Variants in CCDC112 observed in about 807,000 individuals in gnomAD.
CCDC112 encodes coiled-coil domain-containing protein 112.
A neutral mutation model predicts 66.3 loss-of-function variants in CCDC112; 40 were observed. The ratio of observed to expected loss-of-function variants is 0.60; its 90% CI spans 0.47 to 0.79. The LOEUF (loss-of-function observed/expected upper bound fraction) is 0.79, where lower values mean the gene tolerates loss of function less well. Ranked by LOEUF, CCDC112 falls within the 30% of genes least tolerant of loss-of-function variation. CCDC112 has a pLI of 0.00. For synonymous variants in CCDC112, 214 were observed against 197.2 expected (o/e 1.09, Z -0.71); for missense variants, 659 against 603.8 (o/e 1.09, Z -0.96).
At chr5:115,269,670 A>C (rs752849764) in intron 8 of CCDC112, 33 bp downstream of exon 8, 1 of 1,406,728 alleles carries the variant, frequency 7.1e-7, no homozygotes, top group Non-Finnish European at 9.9e-7. Context: ...GAATTAGGAT[A>C]ATAACAATGA....
Position 115,267,924 on chromosome 5 carries a change from G to T in CCDC112, c.1548-6C>A. On this transcript the variant is annotated splice_polypyrimidine_tract_variant and splice_region_variant and intron_variant, in intron 9 of 9. Transcript: ENST00000379611. ...GTCTCCAGGTTGGAATAGCCCTAAG[G>T]AGAAAAAGAGAAAAGCAATTGTAAA... 1 of 1,604,518 alleles carries T rather than the reference G, an allele frequency of 6.2e-7. No individual in the cohort carries two copies. Among genetic ancestry groups the T allele is most frequent in the South Asian group, 1.1e-5 (1 of 90,588 alleles).
intron 6 of CCDC112, among the ~76,000 whole-genome samples, chr5:115,274,567 C>T (rs1243852942): frequency 1.3e-5 from 2 of 152,026 alleles, no homozygotes; most frequent in East Asian, 3.9e-4. Flanking sequence ...CGTAAGATGA[C>T]TTTTTTCAAA....
chr5:115,283,218 G>T (rs1413583853), intron 2 of CCDC112, among the ~76,000 whole-genome samples: 2 of 151,940 alleles, frequency 1.3e-5, no homozygotes, highest in African/African-American at 4.8e-5. Context: ...TGTACATTAG[G>T]TCTCTAGATC....
Position 115,275,250 on chromosome 5 carries a change from T to C in CCDC112, c.884A>G (p.Gln295Arg), listed in dbSNP as rs1407543263. Reference sequence around the variant, plus strand: ...TCTTTCTTCTAGAGCCAGAAACTTTTGATACCATTTTTCATGCTGTTGAAC... The same window carrying C: ...TCTTTCTTCTAGAGCCAGAAACTTTCGATACCATTTTTCATGCTGTTGAAC... Reference protein sequence around the residue: ...DEVQQHEKWYQKFLALEERKK... With the variant: ...DEVQQHEKWYRKFLALEERKK... Residue 295 changes from glutamine to arginine, a missense_variant, in exon 6 of 10, where the codon CAA (glutamine) becomes CGA (arginine). Gln to Arg is a conservative substitution (Grantham distance 43). Transcript: ENST00000379611. The C allele has an allele frequency of 6.2e-7, 1 of 1,610,990 alleles. No homozygotes were observed. The highest frequency in any genetic ancestry group is 1.7e-5 in the Admixed American group (1 of 59,068).
Position 115,296,452 on chromosome 5 carries a change from A to C in CCDC112, c.92T>G (p.Val31Gly). 1 of 1,562,208 alleles carries C rather than the reference A, an allele frequency of 6.4e-7. No individual in the cohort carries two copies. Among genetic ancestry groups the C allele is most frequent in the South Asian group, 1.1e-5 (1 of 87,292 alleles). Reference protein sequence around the residue: ...AGAGAATGTGVGATPAPQQSD... With the variant: ...AGAGAATGTGGGATPAPQQSD... ...CTGTTGAGGCGCTGGCGTCGCTCCCACGCCGGTCCCGGTGGCCGCGCCCGC... is the reference window on the plus strand; with the variant it reads ...CTGTTGAGGCGCTGGCGTCGCTCCCCCGCCGGTCCCGGTGGCCGCGCCCGC... Residue 31 changes from valine (V) to glycine (G), a missense_variant, in exon 1 of 10, where the codon GTG becomes GGG. By Grantham distance (109) the Val-to-Gly change is moderately radical. Coordinates refer to ENST00000379611, the MANE Select transcript of CCDC112 (RefSeq NM_001040440.3).
rs575683458 is a variant in CCDC112 at position 115,277,487 on chromosome 5, A to C, written c.362-433T>G. Among the ~76,000 whole-genome samples the C allele has an allele frequency of 1.2e-3, 178 of 152,344 alleles. 1 individual carries two copies. The highest frequency in any genetic ancestry group is 7.5e-3 in the South Asian group (36 of 4,830). Reference sequence around the variant, plus strand: ...TTAAAACTATTTAGTTAATTCTGTGAATACTGAGAAACTTCCCATTGAGAA... The same window carrying C: ...TTAAAACTATTTAGTTAATTCTGTGCATACTGAGAAACTTCCCATTGAGAA... On this transcript the variant is annotated intron_variant, in intron 3 of 9. Transcript: ENST00000379611.
At chr5:115,292,971 C>A (rs953250696) in intron 1 of CCDC112, among the ~76,000 whole-genome samples, 1 of 152,196 alleles carries the variant, frequency 6.6e-6, no homozygotes, top group Admixed American at 6.5e-5. Flanking sequence ...TCTCCTATTG[C>A]TGCTGTAACA....
intron 1 of CCDC112, chr5:115,295,941 G>A: frequency 2.0e-6 from 2 of 985,962 alleles, no homozygotes; most frequent in Non-Finnish European, 2.4e-6. Flanking sequence ...GCGGTCCTAA[G>A]CCGATCACTG....
At chr5:115,276,329 A>C (rs549198958) in intron 4 of CCDC112, among the ~76,000 whole-genome samples, 3 of 152,316 alleles carry the variant, frequency 2.0e-5, no homozygotes, top group South Asian at 4.1e-4. Flanking sequence ...TAACTTGCCT[A>C]AAATTACATA....
chr5:115,268,842 T>G, intron 9 of CCDC112, 40 bp downstream of exon 9: 5 of 1,145,522 alleles, frequency 4.4e-6, no homozygotes, highest in Non-Finnish European at 5.0e-6. Flanking sequence ...CATGCAGCAA[T>G]TAAATTACTA....
At chr5:115,293,173 G>C (rs893526291) in intron 1 of CCDC112, among the ~76,000 whole-genome samples, 1 of 152,238 alleles carries the variant, frequency 6.6e-6, no homozygotes, top group East Asian at 1.9e-4. Context: ...CCAGAGGCTG[G>C]TGGGGAGGGC....
chr5:115,279,604 T>C, intron 3 of CCDC112, 43 bp downstream of exon 3: 1 of 1,599,510 alleles, frequency 6.3e-7, no homozygotes, highest in Non-Finnish European at 8.5e-7. Flanking sequence ...ACTACAACTT[T>C]ATATCGCTCA....
intron 3 of CCDC112, among the ~76,000 whole-genome samples, chr5:115,279,311 A>G (rs1051073147): frequency 2.0e-5 from 3 of 152,192 alleles, no homozygotes; most frequent in African/African-American, 7.2e-5. Flanking sequence ...AACATCAGAC[A>G]GCCCAGAAAT....
intron 3 of CCDC112, among the ~76,000 whole-genome samples, chr5:115,278,287 A>T (rs1419843904): frequency 2.0e-5 from 3 of 152,090 alleles, no homozygotes; most frequent in African/African-American, 7.2e-5. Flanking sequence ...CAAATCATTT[A>T]AGTACAATAT....
chr5:115,279,900 G>A lies in CCDC112; in HGVS notation c.240-132C>T, dbSNP rs1403252272. ...CTATGGAATAAAAATAATTACTTTG[G>A]TTAATAAGGCTAAGGAATCAAAACA... On this transcript the variant is annotated intron_variant, in intron 2 of 9. Coordinates refer to ENST00000379611, the MANE Select transcript of CCDC112 (RefSeq NM_001040440.3). 73 of 576,054 alleles carry A rather than the reference G, an allele frequency of 1.3e-4. No individual in the cohort carries two copies. The South Asian group carries it at 1.8e-3, about 15-fold the overall frequency. 35.7% of individuals were successfully genotyped at this position (576,054 alleles called of 1,614,324 possible).
intron 2 of CCDC112, 42 bp from the exon 3 acceptor site, chr5:115,279,810 T>C: frequency 2.8e-6 from 3 of 1,068,900 alleles, no homozygotes; most frequent in Non-Finnish European, 4.0e-6. Flanking sequence ...GATCTAAATA[T>C]ATTTTTAATA....
At chr5:115,293,902 C>G (rs1750039717) in intron 1 of CCDC112, among the ~76,000 whole-genome samples, 2 of 152,124 alleles carry the variant, frequency 1.3e-5, no homozygotes, top group Non-Finnish European at 2.9e-5. Flanking sequence ...CAGCATCACA[C>G]TAATGTGATA....
At chr5:115,293,238 G>T (rs1317221127) in intron 1 of CCDC112, among the ~76,000 whole-genome samples, 1 of 152,122 alleles carries the variant, frequency 6.6e-6, no homozygotes, top group Non-Finnish European at 1.5e-5. Context: ...TAGACAGGAG[G>T]AATGTTTTGA....
In CCDC112 at chr5:115,271,288, C is replaced by T. The variant is rs148589970; in HGVS notation, c.1257G>A (p.Lys419=). The part of the protein sequence containing the change: ...KEQEEFLRLE[K]EIREKAEKAE... ...CCTTTTCTGCCTTTTCCCTTATCTC[C>T]TTTTCAAGCCTCAAAAATTCTTCCT... is the stretch of plus-strand genomic sequence containing the variant. The change falls in exon 7 of 10, where the codon AAG becomes AAA. Residue 419 remains lysine, a synonymous_variant. Transcript: ENST00000379611. The T allele has an allele frequency of 2.6e-4, 414 of 1,609,108 alleles. 2 individuals carry two copies. In the African/African-American group the frequency reaches 4.8e-3, roughly 19 times the overall value.
Sources: allele counts gnomAD v4.1 joint callset (sites outside exome capture counted in the v4.1 genomes callset), GRCh38; gene constraint gnomAD v4.1.1; transcripts MANE v1.5; gene names NCBI Gene and HGNC (gene_info 2026-07-23, HGNC 2026-07-21).